NFX1: variants seen among roughly 807,000 people sequenced by gnomAD.
NFX1 encodes nuclear transcription factor, X-box binding 1.
In NFX1, 69 loss-of-function variants were observed where a neutral mutation model predicts 137.2. The ratio of observed to expected loss-of-function variants is 0.50; its 90% CI spans 0.41 to 0.61. NFX1 has a LOEUF of 0.61. NFX1 is among the 20% of genes least tolerant of loss of function. The pLI is 0.00. For synonymous variants in NFX1, 495 were observed against 474.1 expected, an observed-to-expected ratio of 1.04 and a Z score of -0.57; for missense variants, 1,167 against 1,391.0, an observed-to-expected ratio of 0.84 and a Z score of 2.56.
intron 2 of NFX1, among the ~76,000 whole-genome samples, chr9:33,296,069 G>A (rs1587814378): frequency 6.6e-6 from 1 of 152,320 alleles, no homozygotes; most frequent in East Asian, 1.9e-4. Context: ...TGGGATTACA[G>A]GCGCCCGCCA....
intron 9 of NFX1, among the ~76,000 whole-genome samples, chr9:33,321,167 GA>G (rs779665984): frequency 1.4e-4 from 22 of 152,184 alleles, no homozygotes; most frequent in Admixed American, 2.6e-4. Context: ...GGTGATGAGA[GA>G]AGAAGGAAAT....
At chr9:33,352,426 T>A in intron 16 of NFX1, 2 of 651,866 alleles carry the variant, frequency 3.1e-6, no homozygotes, top group South Asian at 3.0e-5. Flanking sequence ...AGAACAGAGG[T>A]GGTTTCCAAA....
intron 2 of NFX1, among the ~76,000 whole-genome samples, chr9:33,299,140 C>T (rs938160671): frequency 1.3e-5 from 2 of 152,178 alleles, no homozygotes; most frequent in South Asian, 2.1e-4. Context: ...CTAATGTTAA[C>T]GTCTTACATA....
At chr9:33,292,787 C>A (rs548783803) in intron 1 of NFX1, among the ~76,000 whole-genome samples, 1 of 152,330 alleles carries the variant, frequency 6.6e-6, no homozygotes, top group South Asian at 2.1e-4. Context: ...CTATCCTTTA[C>A]TAGGCTTCTC....
Position 33,364,102 on chromosome 9 carries a change from A to T in NFX1, c.2966A>T (p.Asp989Val), listed in dbSNP as rs141789477. 1.9e-6 allele frequency: 3 copies of T among 1,601,342 alleles called. No homozygotes were observed. Among genetic ancestry groups the T allele is most frequent in the African/African-American group, 2.7e-5 (2 of 74,384 alleles). The change falls in exon 20 of 24, where the codon GAT becomes GTT. Residue 989 changes from aspartate to valine, a missense_variant. This residue lies in a region of NFX1 where 312 missense variants were observed against 312.8 expected (regional missense o/e 1.00). Transcript: ENST00000379540. ...AAATTCAGTGATAGTTTGAAAGAAG[A>T]TGCCAGGTATGTAACTTGTTACCTG... ...GSKFSDSLKE[D>V]ARKDLKFVSD...
chr9:33,350,816 C>A (rs1823608278), intron 15 of NFX1, among the ~76,000 whole-genome samples: 1 of 152,152 alleles, frequency 6.6e-6, no homozygotes. Flanking sequence ...CATAGTGAGA[C>A]CCTGTCTCTA....
At position 33,351,805 on chromosome 9, in the gene NFX1, C is replaced by T; in HGVS notation, c.2655+15C>T. 6.4e-7 allele frequency: 1 copy of T among 1,551,560 alleles called. No individual in the cohort carries two copies. The highest frequency in any genetic ancestry group is 8.7e-7 in the Non-Finnish European group (1 of 1,149,810). ...GTAAAGCTAAGGTGGGTATTTCTGG[C>T]CACAGATGCAGCATTGACTGTAGTT... On this transcript the variant is annotated intron_variant, in intron 16 of 23. Coordinates refer to ENST00000379540, the MANE Select transcript of NFX1 (RefSeq NM_002504.6).
chr9:33,306,247 G>C (rs1821748806), intron 4 of NFX1, among the ~76,000 whole-genome samples: 1 of 152,198 alleles, frequency 6.6e-6, no homozygotes, highest in Non-Finnish European at 1.5e-5. Context: ...TGTAGTTTTT[G>C]AGCGTGTGTG....
chr9:33,304,130 T>A (rs12335968), intron 4 of NFX1, among the ~76,000 whole-genome samples: 7,088 of 152,218 alleles, frequency 0.047, 513 homozygotes, highest in African/African-American at 0.16. Flanking sequence ...GGCATAGTGT[T>A]GCATGTCTGT....
chr9:33,312,640 G>T (rs1356082270), intron 6 of NFX1, among the ~76,000 whole-genome samples: 4 of 152,252 alleles, frequency 2.6e-5, no homozygotes, highest in African/African-American at 9.6e-5. Flanking sequence ...GGAGGCCGAG[G>T]TGGGTGGATC....
chr9:33,370,120 A>AGT lies in NFX1; in HGVS notation c.*147_*148dup, dbSNP rs2118720053. 1 of 621,820 alleles carries AGT rather than the reference A, an allele frequency of 1.6e-6. No individual in the cohort carries two copies. Among genetic ancestry groups the AGT allele is most frequent in the South Asian group, 2.1e-5 (1 of 47,930 alleles). 38.5% of individuals were successfully genotyped at this position (621,820 alleles called of 1,614,324 possible). ...CTTGTACTGACACATCCAAAGCATG[A>AGT]GTGTGTCAGAAATCCCTTGTCTATT... is the stretch of plus-strand genomic sequence containing the variant. On this transcript the variant is annotated 3_prime_UTR_variant, in exon 24 of 24. Transcript: ENST00000379540.
intron 20 of NFX1, 90 bp downstream of exon 20, chr9:33,364,198 G>A: frequency 1.3e-6 from 1 of 762,868 alleles, no homozygotes; most frequent in Non-Finnish European, 2.1e-6. Flanking sequence ...CTCCTCCTGT[G>A]ATTAAGCCAG....
intron 6 of NFX1, 128 bp from the exon 7 acceptor site, chr9:33,313,526 G>A: frequency 2.5e-6 from 2 of 789,334 alleles, no homozygotes; most frequent in Non-Finnish European, 4.1e-6. Flanking sequence ...ATAGGAAAAA[G>A]TGAGGGAAAT....
At chr9:33,309,969 C>T (rs768580361) in intron 5 of NFX1, among the ~76,000 whole-genome samples, 6 of 152,222 alleles carry the variant, frequency 3.9e-5, no homozygotes, top group East Asian at 3.9e-4. Context: ...TTGTTTCACC[C>T]GAAAGGATTG....
intron 4 of NFX1, among the ~76,000 whole-genome samples, chr9:33,305,338 T>C (rs1482171781): frequency 6.6e-6 from 1 of 152,222 alleles, no homozygotes. Context: ...CAGAAAGATA[T>C]GTTGAAGGGA....
chr9:33,359,905 A>G (rs1177448266), intron 19 of NFX1, among the ~76,000 whole-genome samples: 1 of 152,266 alleles, frequency 6.6e-6, no homozygotes, highest in African/African-American at 2.4e-5. Context: ...CAGACAAAGT[A>G]TAGCCCTATT....
Position 33,325,910 on chromosome 9 carries a change from TTTC to T in NFX1, c.1907-2663_1907-2661del, listed in dbSNP as rs1057078069. On this transcript the variant is annotated intron_variant, in intron 9 of 23. Coordinates refer to ENST00000379540, the MANE Select transcript of NFX1 (RefSeq NM_002504.6). ...TCATAAAAGGCAGTATAAATGCATA[TTTC>T]TTCTTCTCAACTGATTTAAAAAACA... 2.1e-4 allele frequency among the ~76,000 whole-genome samples: 32 copies of T among 152,292 alleles called. No individual in the cohort carries two copies. In the East Asian group the frequency reaches 3.5e-3, roughly 17 times the overall value.
chr9:33,313,607 C>T, intron 6 of NFX1, 47 bp from the exon 7 acceptor site: 3 of 1,596,210 alleles, frequency 1.9e-6, no homozygotes, highest in South Asian at 1.1e-5. Flanking sequence ...GGTTGTCCAA[C>T]AGGAACTTTT....
intron 2 of NFX1, among the ~76,000 whole-genome samples, chr9:33,300,065 ATTTTTTTTTTTTTTTT>A (rs34826491): frequency 3.0e-5 from 3 of 100,276 alleles, no homozygotes; most frequent in African/African-American, 4.6e-5. Context: ...ATGTTATAGC[ATTTTTTTTTTTTTTTT>A]TTTTTTTTTT....
Sources: allele counts gnomAD v4.1 joint callset (sites outside exome capture counted in the v4.1 genomes callset), GRCh38; gene constraint gnomAD v4.1.1; regional missense constraint gnomAD v4.1.1; transcripts MANE v1.5; gene names NCBI Gene and HGNC (gene_info 2026-07-23, HGNC 2026-07-21).